The following WDR6 variants were observed in gnomAD, a reference collection of about 807,000 sequenced individuals.
The protein encoded by WDR6 is WD repeat domain 6, also known as tRNA (34-2'-O)-methyltransferase regulator WDR6.
Under a neutral mutation model 85.6 loss-of-function variants are expected in WDR6, and 58 were observed. That is an observed-to-expected ratio of 0.68 (90% CI 0.55 to 0.84). The LOEUF is 0.84. Among genes scored for constraint, WDR6 ranks in the 40% least tolerant of loss-of-function variants. The pLI is 0.00. For missense variants in WDR6, 1,310 were observed against 1,476.4 expected (o/e 0.89, Z 1.85); for synonymous variants, 569 against 582.2 (o/e 0.98, Z 0.33).
Position 49,015,187 on chromosome 3 carries a change from C to G in WDR6, c.3265C>G (p.Pro1089Ala), listed in dbSNP as rs773248088. ...CATGAATAGCACTGTGTTCCATGTGCCTGATGTGGCTGACATGGACTGCTG... is the reference window on the plus strand; with the variant it reads ...CATGAATAGCACTGTGTTCCATGTGGCTGATGTGGCTGACATGGACTGCTG... ...TFMNSTVFHV[P>A]DVADMDCWPV... is the part of the protein sequence containing the mutation. Residue 1089 changes from proline to alanine, a missense_variant, in exon 6 of 6, where the codon CCT (proline) becomes GCT (alanine). By Grantham distance (27) the Pro-to-Ala change is conservative. Transcript: ENST00000608424. The G allele has an allele frequency of 1.2e-6, 2 of 1,613,876 alleles. No homozygotes were observed. The highest frequency in any genetic ancestry group is 1.1e-5 in the South Asian group (1 of 91,084).
Position 49,012,408 on chromosome 3 carries a change from GCCTTT to G in WDR6, c.876_880del (p.Phe293GlyfsTer14). On this transcript the variant is annotated frameshift_variant, in exon 2 of 6. Coordinates refer to ENST00000608424, the MANE Select transcript of WDR6 (RefSeq NM_018031.6). LOFTEE classifies it high-confidence loss of function. The surrounding 1 kb of genome is among the most constrained non-coding windows in gnomAD (Gnocchi z 4.4). ...GAGCCATGAAGGTGAGATCCTCCAG[GCCTTT>G]CGGGGACACCAGGGACGTGGGATCC... The G allele has an allele frequency of 6.2e-7, 1 of 1,614,184 alleles. No homozygotes were observed. The highest frequency in any genetic ancestry group is 8.5e-7 in the Non-Finnish European group (1 of 1,180,036).
chr3:49,014,387 T>G lies in WDR6; in HGVS notation c.2671T>G (p.Phe891Val), dbSNP rs761496288. The change falls in exon 4 of 6, where the codon TTT (phenylalanine) becomes GTT (valine). Residue 891 changes from phenylalanine (F) to valine (V), a missense_variant. Physicochemically the swap from Phe to Val is conservative, Grantham distance 50. Transcript: ENST00000608424. The surrounding 1 kb of genome is among the most constrained non-coding windows in gnomAD (Gnocchi z 4.9). The stretch of plus-strand genomic sequence containing the variant: ...GGGCCACCCCCCGCCCCCCAGGCTC[T>G]TTCTTTTGCAGGATTCTGGGCGGAT... ...AACSDGAVRL[F>V]LLQDSGRILQ... 18 of 1,614,096 alleles carry G rather than the reference T, an allele frequency of 1.1e-5. No homozygotes were observed. The highest frequency in any genetic ancestry group is 8.8e-5 in the South Asian group (8 of 91,080).
In WDR6 at chr3:49,014,682, G is replaced by A; in HGVS notation, c.2866G>A (p.Val956Ile). 6.2e-7 allele frequency: 1 copy of A among 1,613,356 alleles called. No homozygotes were observed. The highest frequency in any genetic ancestry group is 8.5e-7 in the Non-Finnish European group (1 of 1,179,964). Residue 956 changes from valine (V) to isoleucine (I), a missense_variant, in exon 5 of 6, where the codon GTC (valine) becomes ATC (isoleucine). Val to Ile is a conservative substitution (Grantham distance 29). Coordinates refer to ENST00000608424, the MANE Select transcript of WDR6 (RefSeq NM_018031.6). This position sits in a 1 kb window ranked among gnomAD's most constrained non-coding sequence, Gnocchi z 4.9. ...LTTMLDHDST[V>I]LEPPVDPGLP... Reference sequence around the variant, plus strand: ...CACCATGCTAGACCATGACTCCACTGTCCTGGAGCCTCCAGTGGATCCTGG... The same window carrying A: ...CACCATGCTAGACCATGACTCCACTATCCTGGAGCCTCCAGTGGATCCTGG...
Position 49,013,315 on chromosome 3 carries a change from TG to T in WDR6, c.1782del (p.Phe595LeufsTer11). 1 of 1,614,134 alleles carries T rather than the reference TG, an allele frequency of 6.2e-7. No individual in the cohort carries two copies. Among genetic ancestry groups the T allele is most frequent in the Non-Finnish European group, 8.5e-7 (1 of 1,180,016 alleles). On this transcript the variant is annotated frameshift_variant, in exon 2 of 6. Coordinates refer to ENST00000608424, the MANE Select transcript of WDR6 (RefSeq NM_018031.6). LOFTEE classifies it high-confidence loss of function. This position sits in a 1 kb window ranked among gnomAD's most constrained non-coding sequence, Gnocchi z 4.6. ...GGGCGTGATGGAGCCTACTACCAGC[TG>T]TTTGTACGAGACGGCCAGCTCCAGC... ...TTGRDGAYYQ[L>X]FVRDGQLQPV...
At position 49,015,630 on chromosome 3, in the gene WDR6, A is replaced by G; in HGVS notation, c.*342A>G. On this transcript the variant is annotated 3_prime_UTR_variant, in exon 6 of 6. Transcript: ENST00000608424. ...GAGGGAGACCCAGCATAGCCAGGCC[A>G]GTATGGAGCACCTCACGCACAGCTC... 1 of 1,614,124 alleles carries G rather than the reference A, an allele frequency of 6.2e-7. No homozygotes were observed. Among genetic ancestry groups the G allele is most frequent in the Non-Finnish European group, 8.5e-7 (1 of 1,180,020 alleles).
chr3:49,009,226 A>G (rs543635258), intron 1 of WDR6, among the ~76,000 whole-genome samples: 3 of 149,920 alleles, frequency 2.0e-5, no homozygotes, highest in East Asian at 2.0e-4. Context: ...TCCATCCACC[A>G]TACTCAATGC....
Position 49,013,025 on chromosome 3 carries a change from T to G in WDR6, c.1491T>G (p.Ser497Arg). 1 of 1,613,186 alleles carries G rather than the reference T, an allele frequency of 6.2e-7. No individual in the cohort carries two copies. The part of the protein sequence containing the change: ...PPSKQRWHTC[S>R]AFLPPGDFLV... ...GCAAGCAGAGATGGCACACATGCAG[T>G]GCCTTCCTACCCCCAGGTGACTTCC... The change falls in exon 2 of 6, where the codon AGT becomes AGG. Residue 497 changes from serine to arginine, a missense_variant. Transcript: ENST00000608424. The surrounding 1 kb of genome is among the most constrained non-coding windows in gnomAD (Gnocchi z 4.6).
chr3:49,014,175 A>G lies in WDR6; in HGVS notation c.2583-35A>G, dbSNP rs1481255524. 3.1e-6 allele frequency: 5 copies of G among 1,613,998 alleles called. No individual in the cohort carries two copies. Among genetic ancestry groups the G allele is most frequent in the Non-Finnish European group, 4.2e-6 (5 of 1,180,022 alleles). On this transcript the variant is annotated intron_variant, in intron 2 of 5. Transcript: ENST00000608424. The surrounding 1 kb of genome is among the most constrained non-coding windows in gnomAD (Gnocchi z 4.9). The stretch of plus-strand genomic sequence containing the variant: ...GTCATGCAGATGCTCCCAGGCTTGC[A>G]GGCTCCACCTGACAGCTGCATGTTG...
intron 1 of WDR6, among the ~76,000 whole-genome samples, chr3:49,010,043 T>G (rs1384861663): frequency 6.6e-6 from 1 of 150,760 alleles, no homozygotes. Context: ...TTTTTTTTAA[T>G]TAAAAAAAAA....
chr3:49,012,738 C>T lies in WDR6; in HGVS notation c.1204C>T (p.Pro402Ser), dbSNP rs750542351. The T allele has an allele frequency of 3.1e-6, 5 of 1,613,894 alleles. No individual in the cohort carries two copies. Among genetic ancestry groups the T allele is most frequent in the East Asian group, 2.2e-5 (1 of 44,858 alleles). The change falls in exon 2 of 6, where the codon CCC (proline) becomes TCC (serine). Residue 402 changes from proline to serine, a missense_variant. Coordinates refer to ENST00000608424, the MANE Select transcript of WDR6 (RefSeq NM_018031.6). The surrounding 1 kb of genome is among the most constrained non-coding windows in gnomAD (Gnocchi z 4.4). The stretch of plus-strand genomic sequence containing the variant: ...CTGCCTGCTGGAGGCAGCTCCTGGT[C>T]CCGAGGGCTTCGGATTGTGTGCTAT... Reference protein sequence around the residue: ...SYCLLEAAPGPEGFGLCAMAN... With the variant: ...SYCLLEAAPGSEGFGLCAMAN...
At position 49,007,519 on chromosome 3, in the gene WDR6, C is replaced by G. The variant is rs1251922907; in HGVS notation, c.88C>G (p.Arg30Gly). ...PVTGLECVGD[R>G]LLAGEGPDVL... The stretch of plus-strand genomic sequence containing the variant: ...GACGGGTCTGGAGTGCGTGGGGGAC[C>G]GGCTGTTGGCGGGTGAGGCTTGGCT... The change falls in exon 1 of 6, where the codon CGG becomes GGG. Residue 30 changes from arginine (R) to glycine (G), a missense_variant. Coordinates refer to ENST00000608424, the MANE Select transcript of WDR6 (RefSeq NM_018031.6). The surrounding 1 kb of genome is among the most constrained non-coding windows in gnomAD (Gnocchi z 5.1). 6.3e-7 allele frequency: 1 copy of G among 1,595,134 alleles called. No individual in the cohort carries two copies. Among genetic ancestry groups the G allele is most frequent in the African/African-American group, 1.3e-5 (1 of 74,670 alleles).
rs2093019181 is a variant in WDR6 at position 49,012,106 on chromosome 3, C to T, written c.572C>T (p.Thr191Ile). The change falls in exon 2 of 6, where the codon ACT becomes ATT. Residue 191 changes from threonine to isoleucine, a missense_variant. Physicochemically the swap from Thr to Ile is moderately conservative, Grantham distance 89. Transcript: ENST00000608424. This position sits in a 1 kb window ranked among gnomAD's most constrained non-coding sequence, Gnocchi z 4.4. ...CAGCTCTTGGTCTGGTACCCAGCAA[C>T]TGCCTTAGCAGACAACAAACCTGTA... The part of the protein sequence containing the change: ...SNQLLVWYPA[T>I]ALADNKPVAP... 6.2e-7 allele frequency: 1 copy of T among 1,613,916 alleles called. No individual in the cohort carries two copies. The highest frequency in any genetic ancestry group is 1.3e-5 in the African/African-American group (1 of 74,930).
In WDR6 at chr3:49,015,759, C is replaced by T. The variant is rs1255685391; in HGVS notation, c.*471C>T. ...CATCCTCTGCTTCCTTTGCCTTTAC[C>T]CTATACCTCTCTGCACGTCCCACCC... is the stretch of plus-strand genomic sequence containing the variant. On this transcript the variant is annotated 3_prime_UTR_variant, in exon 6 of 6. Transcript: ENST00000608424. 3 of 1,614,108 alleles carry T rather than the reference C, an allele frequency of 1.9e-6. No homozygotes were observed. Among genetic ancestry groups the T allele is most frequent in the Non-Finnish European group, 2.5e-6 (3 of 1,180,010 alleles).
rs750701142 is a variant in WDR6 at position 49,014,655 on chromosome 3, A to C, written c.2839A>C (p.Thr947Pro). The C allele has an allele frequency of 9.3e-6, 15 of 1,613,394 alleles. No homozygotes were observed. Among genetic ancestry groups the C allele is most frequent in the Non-Finnish European group, 8.5e-6 (10 of 1,179,988 alleles). The stretch of plus-strand genomic sequence containing the variant: ...TGGCAGCCTGGCTTTCTGGGATCTC[A>C]CCACCATGCTAGACCATGACTCCAC... ...TDGSLAFWDL[T>P]TMLDHDSTVL... Residue 947 changes from threonine (T) to proline (P), a missense_variant, in exon 5 of 6, where the codon ACC (threonine) becomes CCC (proline). Coordinates refer to ENST00000608424, the MANE Select transcript of WDR6 (RefSeq NM_018031.6). This position sits in a 1 kb window ranked among gnomAD's most constrained non-coding sequence, Gnocchi z 4.9.
chr3:49,015,627 G>A lies in WDR6; in HGVS notation c.*339G>A. On this transcript the variant is annotated 3_prime_UTR_variant, in exon 6 of 6. Coordinates refer to ENST00000608424, the MANE Select transcript of WDR6 (RefSeq NM_018031.6). ...GTGGAGGGAGACCCAGCATAGCCAG[G>A]CCAGTATGGAGCACCTCACGCACAG... is the stretch of plus-strand genomic sequence containing the variant. The A allele has an allele frequency of 6.2e-7, 1 of 1,614,138 alleles. No individual in the cohort carries two copies. Among genetic ancestry groups the A allele is most frequent in the Non-Finnish European group, 8.5e-7 (1 of 1,180,028 alleles).
Position 49,013,035 on chromosome 3 carries a change from C to G in WDR6, c.1501C>G (p.Pro501Ala), listed in dbSNP as rs201506661. Residue 501 changes from proline (P) to alanine (A), a missense_variant, in exon 2 of 6, where the codon CCC becomes GCC. Coordinates refer to ENST00000608424, the MANE Select transcript of WDR6 (RefSeq NM_018031.6). The surrounding 1 kb of genome is among the most constrained non-coding windows in gnomAD (Gnocchi z 4.6). ...QRWHTCSAFL[P>A]PGDFLVCGDR... The stretch of plus-strand genomic sequence containing the variant: ...ATGGCACACATGCAGTGCCTTCCTA[C>G]CCCCAGGTGACTTCCTGGTGTGTGG... 1.1e-4 allele frequency: 180 copies of G among 1,612,276 alleles called. No individual in the cohort carries two copies. The highest frequency in any genetic ancestry group is 1.7e-6 in the Non-Finnish European group (2 of 1,178,876).
In WDR6 at chr3:49,012,637, C is replaced by T. The variant is rs1314507109; in HGVS notation, c.1103C>T (p.Thr368Ile). ...TGGCGACTGCTGGCAGTGACTGATACAGGGGCCCTGTATCTCTATGACGTC... is the reference window on the plus strand; with the variant it reads ...TGGCGACTGCTGGCAGTGACTGATATAGGGGCCCTGTATCTCTATGACGTC... ...GSWRLLAVTDTGALYLYDVEV... is the reference protein window; with the variant it reads ...GSWRLLAVTDIGALYLYDVEV... The change falls in exon 2 of 6, where the codon ACA becomes ATA. Residue 368 changes from threonine (T) to isoleucine (I), a missense_variant. By Grantham distance (89) the Thr-to-Ile change is moderately conservative (BLOSUM62 -1). Transcript: ENST00000608424. This position sits in a 1 kb window ranked among gnomAD's most constrained non-coding sequence, Gnocchi z 4.4. 1.4e-5 allele frequency: 23 copies of T among 1,614,102 alleles called. No homozygotes were observed. Among genetic ancestry groups the T allele is most frequent in the Non-Finnish European group, 1.8e-5 (21 of 1,180,016 alleles).
rs1370550375 is a variant in WDR6, at chr3:49,012,735, G to T, written c.1201G>T (p.Gly401Cys). ...CTACTGCCTGCTGGAGGCAGCTCCT[G>T]GTCCCGAGGGCTTCGGATTGTGTGC... ...QSYCLLEAAP[G>C]PEGFGLCAMA... The change falls in exon 2 of 6, where the codon GGT (glycine) becomes TGT (cysteine). Residue 401 changes from glycine to cysteine, a missense_variant. Gly to Cys is a radical substitution (Grantham distance 159). Coordinates refer to ENST00000608424, the MANE Select transcript of WDR6 (RefSeq NM_018031.6). This position sits in a 1 kb window ranked among gnomAD's most constrained non-coding sequence, Gnocchi z 4.4. 1 of 1,613,884 alleles carries T rather than the reference G, an allele frequency of 6.2e-7. No individual in the cohort carries two copies. Among genetic ancestry groups the T allele is most frequent in the African/African-American group, 1.3e-5 (1 of 74,894 alleles).
chr3:49,015,003 G>C lies in WDR6; in HGVS notation c.3081G>C (p.Gly1027=), dbSNP rs1360474325. ...TAGAAGAGGCTGTGGGAGAGGCTGG[G>C]CTGGTACCCCAGCTGCGTGTGCTAG... ...LQLEEAVGEA[G]LVPQLRVLEE... Residue 1027 remains glycine, a synonymous_variant, in exon 6 of 6, where the codon GGG becomes GGC. Transcript: ENST00000608424. 6.2e-7 allele frequency: 1 copy of C among 1,614,166 alleles called. No homozygotes were observed. The highest frequency in any genetic ancestry group is 1.3e-5 in the African/African-American group (1 of 75,044).
Sources: gnomAD v4.1 joint callset for allele counts (sites outside exome capture counted in the v4.1 genomes callset) on GRCh38, gnomAD v4.1.1 for gene constraint, Gnocchi (gnomAD v3.1) non-coding constraint, MANE v1.5 for transcripts, NCBI Gene and HGNC (gene_info 2026-07-23, HGNC 2026-07-21) for gene names.